The following PKNOX2 variants were observed in gnomAD, a reference collection of about 807,000 sequenced individuals.
The protein encoded by PKNOX2 is homeobox protein PKNOX2.
PKNOX2 carries 14 observed loss-of-function variants against 53.1 expected under a neutral mutation model. The ratio of observed to expected loss-of-function variants is 0.26; its 90% CI spans 0.17 to 0.41. PKNOX2 has a LOEUF of 0.41. PKNOX2 is among the 10% of genes least tolerant of loss of function. The probability of loss-of-function intolerance (pLI) is 1.00; values close to 1 mark genes in which losing one functional copy is unlikely to be tolerated. For missense variants in PKNOX2, 496 were observed against 602.8 expected (o/e 0.82, Z 1.85); for synonymous variants, 257 against 242.8 (o/e 1.06, Z -0.54).
intron 4 of PKNOX2, among the ~76,000 whole-genome samples, chr11:125,359,843 G>A (rs1951826324): frequency 6.6e-6 from 1 of 152,242 alleles, no homozygotes; most frequent in Non-Finnish European, 1.5e-5. Flanking sequence ...TGCCATGTCA[G>A]GTGGAGGGCT....
chr11:125,316,729 G>A (rs368839173), intron 2 of PKNOX2, among the ~76,000 whole-genome samples: 3 of 152,310 alleles, frequency 2.0e-5, no homozygotes, highest in African/African-American at 7.2e-5. Context: ...TGAGCCTTCA[G>A]CAAGTCATAA....
chr11:125,389,808 A>AT (rs1257972949), intron 6 of PKNOX2, among the ~76,000 whole-genome samples: 1 of 152,010 alleles, frequency 6.6e-6, no homozygotes. Flanking sequence ...TTATGTGTAA[A>AT]TTTTTTAACA....
rs186617610 is a variant in PKNOX2 at position 125,221,935 on chromosome 11, C to T, written c.-200-13110C>T. On this transcript the variant is annotated intron_variant, in intron 1 of 12. Coordinates refer to ENST00000298282, the MANE Select transcript of PKNOX2 (RefSeq NM_001382323.2). ...AGAATCACTTGCTGTCGCCTGGTTG[C>T]GTACCTGAGGCAGAGACCTAACACA... Among the ~76,000 whole-genome samples, 8 of 152,264 alleles carry T rather than the reference C, an allele frequency of 5.3e-5. No individual in the cohort carries two copies. In the East Asian group the frequency reaches 1.4e-3, roughly 26 times the overall value.
At chr11:125,386,878 C>T (rs1419862510) in intron 6 of PKNOX2, among the ~76,000 whole-genome samples, 4 of 144,380 alleles carry the variant, frequency 2.8e-5, no homozygotes, top group African/African-American at 1.0e-4. Flanking sequence ...GGAGAGCCCA[C>T]CCTAGCCAGA....
intron 1 of PKNOX2, among the ~76,000 whole-genome samples, chr11:125,194,471 C>T (rs540505661): frequency 2.0e-5 from 3 of 152,128 alleles, no homozygotes; most frequent in Non-Finnish European, 4.4e-5. Flanking sequence ...CACCCCCACC[C>T]TGCTTCACAG....
intron 7 of PKNOX2, among the ~76,000 whole-genome samples, chr11:125,399,552 A>G (rs933216713): frequency 3.3e-5 from 5 of 152,202 alleles, no homozygotes; most frequent in Non-Finnish European, 7.3e-5. Context: ...TGAAAATAAT[A>G]AGTGAGGAGT....
chr11:125,379,617 G>C (rs1400192725), intron 5 of PKNOX2, among the ~76,000 whole-genome samples: 1 of 152,102 alleles, frequency 6.6e-6, no homozygotes, highest in Non-Finnish European at 1.5e-5. Context: ...CTTTGGTGTT[G>C]ATTGAGGGGT....
At chr11:125,196,988 G>T (rs1399836255) in intron 1 of PKNOX2, among the ~76,000 whole-genome samples, 1 of 152,234 alleles carries the variant, frequency 6.6e-6, no homozygotes. Flanking sequence ...CGTAAGCGAT[G>T]TGGCTACTTA....
At chr11:125,339,994 A>G (rs575214788) in intron 3 of PKNOX2, among the ~76,000 whole-genome samples, 2 of 152,346 alleles carry the variant, frequency 1.3e-5, no homozygotes, top group Admixed American at 6.5e-5. Context: ...TCTCAGTCGT[A>G]TTATGTTTAT....
chr11:125,377,592 C>T (rs1952917348), intron 5 of PKNOX2, among the ~76,000 whole-genome samples: 1 of 152,196 alleles, frequency 6.6e-6, no homozygotes, highest in African/African-American at 2.4e-5. Flanking sequence ...ATTCCAGGGA[C>T]CAGGGTCCGC....
rs79267745 is a variant in PKNOX2 at position 125,201,879 on chromosome 11, G to A, written c.-200-33166G>A. ...GTGAGTTTAGCATCAGCCTAGGTTG[G>A]GGAAGAATGTGGGCTCGGCTGGGAG... On this transcript the variant is annotated intron_variant, in intron 1 of 12. Transcript: ENST00000298282. Among the ~76,000 whole-genome samples, 350 of 152,344 alleles carry A rather than the reference G, an allele frequency of 2.3e-3. 8 individuals carry two copies. The East Asian group carries it at 0.052, about 23-fold the overall frequency.
At chr11:125,229,132 T>C (rs1000901542) in intron 1 of PKNOX2, among the ~76,000 whole-genome samples, 1 of 152,148 alleles carries the variant, frequency 6.6e-6, no homozygotes, top group Non-Finnish European at 1.5e-5. Flanking sequence ...GCCCTCCTCC[T>C]CCAGCATGCA....
intron 2 of PKNOX2, among the ~76,000 whole-genome samples, chr11:125,315,591 A>C (rs1949129702): frequency 6.6e-6 from 1 of 152,154 alleles, no homozygotes; most frequent in Non-Finnish European, 1.5e-5. Context: ...TGCAGCTGGC[A>C]GACTGCCTTG....
intron 4 of PKNOX2, among the ~76,000 whole-genome samples, chr11:125,356,185 G>A (rs1232446121): frequency 1.3e-5 from 2 of 152,228 alleles, no homozygotes; most frequent in African/African-American, 4.8e-5. Context: ...TCCCTGGCAT[G>A]TCAGCTGCAT....
chr11:125,238,436 A>G (rs1017933678), intron 2 of PKNOX2, among the ~76,000 whole-genome samples: 9 of 152,182 alleles, frequency 5.9e-5, no homozygotes, highest in Non-Finnish European at 1.2e-4. Flanking sequence ...TGATGTTATT[A>G]TCTCTATTAC....
intron 2 of PKNOX2, among the ~76,000 whole-genome samples, chr11:125,265,717 G>A (rs1429400171): frequency 2.0e-5 from 3 of 152,200 alleles, no homozygotes; most frequent in East Asian, 3.9e-4. Context: ...GTCCCCAGAG[G>A]GTTGCGGGTC....
chr11:125,186,272 G>A (rs536514280), intron 1 of PKNOX2, among the ~76,000 whole-genome samples: 72 of 152,232 alleles, frequency 4.7e-4, no homozygotes, highest in African/African-American at 1.5e-3. Flanking sequence ...GTAGGACTTC[G>A]TTATATATTC....
rs568086587 is a variant in PKNOX2 at position 125,218,413 on chromosome 11, G to GC, written c.-200-16632_-200-16631insC. On this transcript the variant is annotated intron_variant, in intron 1 of 12. Transcript: ENST00000298282. Reference sequence around the variant, plus strand: ...GGGTGCTGCGTGGCAGTGATGGGGGGGGGACAGGAACTTGTTCCAAAATTT... The same window carrying GC: ...GGGTGCTGCGTGGCAGTGATGGGGGGCGGGACAGGAACTTGTTCCAAAATTT... Among the ~76,000 whole-genome samples the GC allele has an allele frequency of 1.5e-3, 233 of 151,038 alleles. 2 individuals carry two copies. Among genetic ancestry groups the GC allele is most frequent in the African/African-American group, 5.3e-3 (217 of 41,136 alleles).
chr11:125,361,637 G>A (rs1368738343), intron 4 of PKNOX2, among the ~76,000 whole-genome samples: 1 of 152,106 alleles, frequency 6.6e-6, no homozygotes, highest in Admixed American at 6.6e-5. Flanking sequence ...ATGTATACAT[G>A]TGCCATGTTG....
Sources: allele counts gnomAD v4.1 joint callset (sites outside exome capture counted in the v4.1 genomes callset), GRCh38; gene constraint gnomAD v4.1.1; transcripts MANE v1.5; gene names NCBI Gene and HGNC (gene_info 2026-07-23, HGNC 2026-07-21).